CLSTN2: variants seen among roughly 807,000 people sequenced by gnomAD.
The protein encoded by CLSTN2 is calsyntenin-2.
Under a neutral mutation model 101.2 loss-of-function variants are expected in CLSTN2, and 48 were observed. The ratio of observed to expected loss-of-function variants is 0.47; its 90% CI spans 0.38 to 0.60. CLSTN2 has a LOEUF of 0.60. Among genes scored for constraint, CLSTN2 ranks in the 20% least tolerant of loss-of-function variants. The pLI, the probability that CLSTN2 is intolerant of heterozygous loss-of-function variation, is 0.00. For missense variants in CLSTN2, 1,160 were observed against 1,238.2 expected, an observed-to-expected ratio of 0.94 and a Z score of 0.95; for synonymous variants, 481 against 463.6, an observed-to-expected ratio of 1.04 and a Z score of -0.48.
chr3:140,373,881 G>T (rs970401171), intron 2 of CLSTN2, among the ~76,000 whole-genome samples: 12 of 152,208 alleles, frequency 7.9e-5, no homozygotes, highest in African/African-American at 2.4e-4. Context: ...ATTAACACCT[G>T]CCAGGACTTT....
chr3:139,978,537 C>A (rs1420952155), intron 1 of CLSTN2, among the ~76,000 whole-genome samples: 1 of 152,128 alleles, frequency 6.6e-6, no homozygotes, highest in African/African-American at 2.4e-5. Context: ...TATGGCATCT[C>A]TGTGACTTAG....
At chr3:140,034,318 G>C (rs1308524898) in intron 1 of CLSTN2, among the ~76,000 whole-genome samples, 1 of 152,128 alleles carries the variant, frequency 6.6e-6, no homozygotes, top group Admixed American at 6.5e-5. Context: ...TAGTGCTATG[G>C]GGAAGCAACT....
At chr3:140,036,156 G>C (rs2007648306) in intron 1 of CLSTN2, among the ~76,000 whole-genome samples, 1 of 152,160 alleles carries the variant, frequency 6.6e-6, no homozygotes, top group Admixed American at 6.5e-5. Flanking sequence ...TTGTTTCCTG[G>C]TGCCTGGCCT....
chr3:140,444,520 C>T (rs1933033155), intron 5 of CLSTN2, among the ~76,000 whole-genome samples: 4 of 152,164 alleles, frequency 2.6e-5, no homozygotes. Flanking sequence ...TACACTCCCC[C>T]ACTGGGTCCC....
intron 1 of CLSTN2, among the ~76,000 whole-genome samples, chr3:140,101,896 C>G (rs1420775520): frequency 2.6e-5 from 4 of 152,192 alleles, no homozygotes; most frequent in African/African-American, 9.7e-5. Flanking sequence ...AGTCATGTGA[C>G]TGCAACTCAG....
chr3:139,991,908 C>A (rs17338555), intron 1 of CLSTN2, among the ~76,000 whole-genome samples: 66,663 of 151,978 alleles, frequency 0.44, 16,553 homozygotes, highest in East Asian at 0.67. Flanking sequence ...TTGAGGTCAT[C>A]CTGTTGATTT....
At chr3:139,953,996 CA>C (rs1474734685) in intron 1 of CLSTN2, among the ~76,000 whole-genome samples, 2 of 148,372 alleles carry the variant, frequency 1.3e-5, no homozygotes, top group South Asian at 2.1e-4. Context: ...ATTTTGGGTT[CA>C]GGGGGAACAT....
intron 2 of CLSTN2, among the ~76,000 whole-genome samples, chr3:140,209,545 T>TC (rs2010829107): frequency 6.6e-6 from 1 of 152,186 alleles, no homozygotes; most frequent in Admixed American, 6.5e-5. Flanking sequence ...CCTATAGCTT[T>TC]ATACATACTT....
intron 7 of CLSTN2, among the ~76,000 whole-genome samples, chr3:140,461,764 G>T (rs1933568268): frequency 6.6e-6 from 1 of 152,076 alleles, no homozygotes; most frequent in Non-Finnish European, 1.5e-5. Context: ...CATCCCAGCA[G>T]TCCCCTGAGA....
intron 2 of CLSTN2, among the ~76,000 whole-genome samples, chr3:140,307,346 G>A (rs1207759167): frequency 6.6e-6 from 1 of 152,138 alleles, no homozygotes; most frequent in Non-Finnish European, 1.5e-5. Context: ...GCCTCCTCCT[G>A]CTCTCCTTGC....
intron 1 of CLSTN2, among the ~76,000 whole-genome samples, chr3:140,162,930 A>G (rs962046314): frequency 1.3e-5 from 2 of 152,224 alleles, no homozygotes; most frequent in African/African-American, 4.8e-5. Context: ...CATAAGCCAC[A>G]AGGGTTTTAT....
intron 1 of CLSTN2, among the ~76,000 whole-genome samples, chr3:139,939,437 A>G (rs1935089398): frequency 6.6e-6 from 1 of 152,174 alleles, no homozygotes; most frequent in Non-Finnish European, 1.5e-5. Context: ...TATTTGTCAG[A>G]TAGTCTTCCC....
At chr3:140,069,846 C>G (rs933647946) in intron 1 of CLSTN2, among the ~76,000 whole-genome samples, 1 of 152,134 alleles carries the variant, frequency 6.6e-6, no homozygotes, top group Non-Finnish European at 1.5e-5. Flanking sequence ...GCTGGGAGTG[C>G]ATGGATCAGA....
intron 2 of CLSTN2, among the ~76,000 whole-genome samples, chr3:140,360,544 T>TA (rs1309390279): frequency 7.9e-5 from 12 of 152,146 alleles, no homozygotes; most frequent in Non-Finnish European, 1.5e-4. Flanking sequence ...TGTCACTAAG[T>TA]AATGAGAACG....
chr3:140,356,900 C>T (rs2087677194), intron 2 of CLSTN2, among the ~76,000 whole-genome samples: 1 of 152,054 alleles, frequency 6.6e-6, no homozygotes, highest in Non-Finnish European at 1.5e-5. Flanking sequence ...CTGTGGAGAC[C>T]ATGCTCTGCA....
At chr3:140,110,789 T>C (rs558291161) in intron 1 of CLSTN2, among the ~76,000 whole-genome samples, 2 of 152,296 alleles carry the variant, frequency 1.3e-5, no homozygotes, top group Admixed American at 6.5e-5. Flanking sequence ...CTGGAAGCCC[T>C]GCCTCTAGTC....
intron 2 of CLSTN2, among the ~76,000 whole-genome samples, chr3:140,233,622 T>G (rs1878983): frequency 0.039 from 5,936 of 152,286 alleles, 359 homozygotes; most frequent in African/African-American, 0.13. Context: ...AATTTGATAT[T>G]AATGGGCCAA....
chr3:140,070,076 G>A (rs1214924405), intron 1 of CLSTN2, among the ~76,000 whole-genome samples: 1 of 152,182 alleles, frequency 6.6e-6, no homozygotes, highest in Non-Finnish European at 1.5e-5. Flanking sequence ...AGCCTGAGCA[G>A]GTCAGTGGCT....
chr3:140,114,568 C>T (rs1576431851), intron 1 of CLSTN2, among the ~76,000 whole-genome samples: 1 of 152,122 alleles, frequency 6.6e-6, no homozygotes, highest in Non-Finnish European at 1.5e-5. Flanking sequence ...GATAATAGCT[C>T]TTATTGTAAG....
Sources: allele counts gnomAD v4.1 joint callset (sites outside exome capture counted in the v4.1 genomes callset), GRCh38; gene constraint gnomAD v4.1.1; transcripts MANE v1.5; gene names NCBI Gene and HGNC (gene_info 2026-07-23, HGNC 2026-07-21).